EXOC4: variants seen among roughly 807,000 people sequenced by gnomAD.
EXOC4 encodes SEC8-like 1.
Under a neutral mutation model 107.2 loss-of-function variants are expected in EXOC4, and 71 were observed. That is an observed-to-expected ratio of 0.66 (90% CI 0.55 to 0.81). EXOC4 has a LOEUF of 0.81. Ranked by LOEUF, EXOC4 falls within the 30% of genes least tolerant of loss-of-function variation. The probability of loss-of-function intolerance (pLI) is 0.00; values close to 1 mark genes in which losing one functional copy is unlikely to be tolerated. For synonymous variants in EXOC4, 456 were observed against 441.2 expected, an observed-to-expected ratio of 1.03 and a Z score of -0.42; for missense variants, 1,108 against 1,189.6, an observed-to-expected ratio of 0.93 and a Z score of 1.01.
intron 17 of EXOC4, among the ~76,000 whole-genome samples, chr7:134,009,426 A>G (rs924433959): frequency 3.9e-5 from 6 of 152,108 alleles, no homozygotes; most frequent in African/African-American, 1.4e-4. Context: ...CATTTGTTCC[A>G]TTGCTACCCT....
At chr7:133,940,731 A>G (rs932512375) in intron 14 of EXOC4, among the ~76,000 whole-genome samples, 2 of 151,896 alleles carry the variant, frequency 1.3e-5, no homozygotes, top group Non-Finnish European at 2.9e-5. Flanking sequence ...TGATTGCCCT[A>G]TGTCAATGTG....
At chr7:133,468,781 C>A (rs941725202) in intron 7 of EXOC4, among the ~76,000 whole-genome samples, 1 of 152,104 alleles carries the variant, frequency 6.6e-6, no homozygotes, top group African/African-American at 2.4e-5. Context: ...ATTTGATTCC[C>A]CTCTAGGGTC....
At chr7:133,284,413 T>G (rs1794228595) in intron 2 of EXOC4, among the ~76,000 whole-genome samples, 1 of 152,228 alleles carries the variant, frequency 6.6e-6, no homozygotes, top group African/African-American at 2.4e-5. Context: ...GAAATCAGAT[T>G]CTAACAGATT....
intron 9 of EXOC4, among the ~76,000 whole-genome samples, chr7:133,574,042 AATATC>A (rs1338915612): frequency 1.3e-5 from 2 of 152,208 alleles, no homozygotes; most frequent in Admixed American, 6.5e-5. Flanking sequence ...AGTGCTTCTT[AATATC>A]ATGAGTTATT....
chr7:133,563,618 T>G (rs1029805510), intron 9 of EXOC4, among the ~76,000 whole-genome samples: 2 of 152,204 alleles, frequency 1.3e-5, no homozygotes, highest in Non-Finnish European at 2.9e-5. Context: ...AGCCTAGTTA[T>G]GTGTAGCTCG....
At chr7:133,278,830 T>A (rs891810151) in intron 2 of EXOC4, among the ~76,000 whole-genome samples, 1 of 152,074 alleles carries the variant, frequency 6.6e-6, no homozygotes, top group Non-Finnish European at 1.5e-5. Context: ...TTTTTTACTA[T>A]TATTATACTT....
intron 9 of EXOC4, among the ~76,000 whole-genome samples, chr7:133,493,327 C>T (rs543301661): frequency 1.2e-3 from 177 of 152,282 alleles, no homozygotes; most frequent in Admixed American, 1.2e-3. Context: ...GTCCCAGCTA[C>T]TCAGGAGGCT....
intron 10 of EXOC4, among the ~76,000 whole-genome samples, chr7:133,684,000 ATCTG>A (rs1394738547): frequency 2.6e-5 from 4 of 152,166 alleles, no homozygotes; most frequent in African/African-American, 9.7e-5. Context: ...ATGTTTAGCA[ATCTG>A]TCCTATATGA....
At chr7:133,903,851 C>G (rs1799508768) in intron 12 of EXOC4, among the ~76,000 whole-genome samples, 1 of 152,088 alleles carries the variant, frequency 6.6e-6, no homozygotes, top group Admixed American at 6.5e-5. Flanking sequence ...GAGAAACCAT[C>G]AAAGGACATT....
At chr7:133,747,612 G>A (rs1266867708) in intron 10 of EXOC4, among the ~76,000 whole-genome samples, 3 of 152,276 alleles carry the variant, frequency 2.0e-5, no homozygotes, top group East Asian at 1.9e-4. Flanking sequence ...AATTGATTTT[G>A]AAATGCGTGT....
intron 4 of EXOC4, among the ~76,000 whole-genome samples, chr7:133,316,038 T>A (rs1467339126): frequency 6.6e-6 from 1 of 152,186 alleles, no homozygotes; most frequent in Non-Finnish European, 1.5e-5. Flanking sequence ...GTGAAAAGAA[T>A]AAAACCTTAT....
At chr7:134,100,269 T>C in the EXOC4 span, among the ~76,000 whole-genome samples, 5 of 73,598 alleles carry the variant, frequency 6.8e-5, no homozygotes, top group Non-Finnish European at 1.3e-4. Flanking sequence ...TAGGAACCAT[T>C]AGAAGCCAGG....
intron 5 of EXOC4, among the ~76,000 whole-genome samples, chr7:133,318,382 G>A (rs1050661020): frequency 6.6e-6 from 1 of 152,206 alleles, no homozygotes; most frequent in African/African-American, 2.4e-5. Flanking sequence ...ACTGGGCTTG[G>A]AGAGCTTCTG....
At chr7:133,389,570 CAAAAAAA>C (rs1202921998) in intron 7 of EXOC4, among the ~76,000 whole-genome samples, 2 of 16,390 alleles carry the variant, frequency 1.2e-4, no homozygotes, top group African/African-American at 2.8e-4. Context: ...TGAAACTCCT[CAAAAAAA>C]AAAAAAAAAA....
chr7:133,812,463 A>G (rs1424783505), intron 10 of EXOC4, among the ~76,000 whole-genome samples: 1 of 151,558 alleles, frequency 6.6e-6, no homozygotes, highest in Admixed American at 6.6e-5. Context: ...TCTCTTGACC[A>G]CTCTCCTTCT....
At chr7:133,257,806 A>G (rs1795052836) in intron 1 of EXOC4, among the ~76,000 whole-genome samples, 1 of 152,212 alleles carries the variant, frequency 6.6e-6, no homozygotes, top group Admixed American at 6.5e-5. Context: ...AAACTTAGAA[A>G]ATCCTTTACT....
intron 10 of EXOC4, among the ~76,000 whole-genome samples, chr7:133,745,424 C>T (rs1795652986): frequency 6.6e-6 from 1 of 152,040 alleles, no homozygotes; most frequent in Non-Finnish European, 1.5e-5. Context: ...TATCTATCTT[C>T]TAGCATTGTT....
intron 17 of EXOC4, among the ~76,000 whole-genome samples, chr7:134,012,616 A>G (rs1794797765): frequency 6.6e-6 from 1 of 152,210 alleles, no homozygotes; most frequent in South Asian, 2.1e-4. Context: ...GAATAGACAT[A>G]AAAAGGGAGC....
intron 9 of EXOC4, among the ~76,000 whole-genome samples, chr7:133,521,315 C>T (rs1157862439): frequency 6.6e-6 from 1 of 152,054 alleles, no homozygotes; most frequent in Non-Finnish European, 1.5e-5. Context: ...TCCCAAAGCA[C>T]AGGAGAAAAA....
Sources: allele counts gnomAD v4.1 joint callset (sites outside exome capture counted in the v4.1 genomes callset), GRCh38; gene constraint gnomAD v4.1.1; transcripts MANE v1.5; gene names NCBI Gene and HGNC (gene_info 2026-07-23, HGNC 2026-07-21).